CTNNA2: variants seen among roughly 807,000 people sequenced by gnomAD.
The protein encoded by CTNNA2 is catenin alpha-2.
CTNNA2 carries 42 observed loss-of-function variants against 101.0 expected under a neutral mutation model. That is an observed-to-expected ratio of 0.42 (90% CI 0.32 to 0.54). The LOEUF (loss-of-function observed/expected upper bound fraction) is 0.54. Among genes scored for constraint, CTNNA2 ranks in the 20% least tolerant of loss-of-function variants. The pLI is 0.14. For synonymous variants in CTNNA2, 450 were observed against 456.4 expected (o/e 0.99, Z 0.18); for missense variants, 871 against 1,223.1 (o/e 0.71, Z 4.29).
chr2:80,643,286 C>T (rs1673687450), intron 18 of CTNNA2, among the ~76,000 whole-genome samples: 1 of 152,006 alleles, frequency 6.6e-6, no homozygotes, highest in Admixed American at 6.6e-5. Context: ...GTTAGATGGC[C>T]TGGGTTTACA....
chr2:79,280,099 C>G (rs1166187355), intron 2 of CTNNA2, among the ~76,000 whole-genome samples: 1 of 152,170 alleles, frequency 6.6e-6, no homozygotes, highest in Non-Finnish European at 1.5e-5. Context: ...TTCACCCCTT[C>G]CAAAATTCTT....
intron 1 of CTNNA2, among the ~76,000 whole-genome samples, chr2:79,580,125 G>A (rs1676059103): frequency 6.6e-6 from 1 of 152,128 alleles, no homozygotes; most frequent in Non-Finnish European, 1.5e-5. Context: ...ATATTGGAAT[G>A]CAGTGTTTTT....
intron 9 of CTNNA2, among the ~76,000 whole-genome samples, chr2:80,492,580 A>G (rs1005018458): frequency 3.3e-5 from 5 of 152,186 alleles, no homozygotes; most frequent in Non-Finnish European, 5.9e-5. Flanking sequence ...GGAAAAATAA[A>G]ACTTCTCAAC....
chr2:79,349,728 G>A (rs1257610283), intron 3 of CTNNA2, among the ~76,000 whole-genome samples: 2 of 152,126 alleles, frequency 1.3e-5, no homozygotes, highest in Admixed American at 6.5e-5. Context: ...ACAACAAAAA[G>A]CATGTATGTG....
At chr2:79,977,222 GCACACACACACACA>G (rs72018840) in intron 7 of CTNNA2, among the ~76,000 whole-genome samples, 3 of 144,836 alleles carry the variant, frequency 2.1e-5, no homozygotes, top group African/African-American at 5.2e-5. Context: ...GCATATGCAT[GCACACACACACACA>G]CACACACACA....
intron 7 of CTNNA2, among the ~76,000 whole-genome samples, chr2:80,200,863 C>G (rs983940459): frequency 1.5e-5 from 2 of 137,514 alleles, no homozygotes; most frequent in African/African-American, 3.4e-5. Context: ...AACCTGATAG[C>G]CTTGGTTTTT....
chr2:79,658,690 T>C (rs1573595388), intron 2 of CTNNA2, among the ~76,000 whole-genome samples: 2 of 148,022 alleles, frequency 1.4e-5, no homozygotes. Flanking sequence ...TCTTTTTTTT[T>C]AATAGAAGAT....
intron 4 of CTNNA2, among the ~76,000 whole-genome samples, chr2:79,468,373 A>C (rs1367285482): frequency 2.6e-5 from 4 of 152,228 alleles, no homozygotes; most frequent in African/African-American, 7.2e-5. Context: ...ACCCAGATTC[A>C]TAAAGCAAGC....
chr2:79,533,112 T>C (rs6719738), intron 1 of CTNNA2, among the ~76,000 whole-genome samples: 106,645 of 151,628 alleles, frequency 0.7, 37,579 homozygotes, highest in Non-Finnish European at 0.72. Context: ...CTTGATGAAT[T>C]TGTATCTGAT....
rs180972321 is a variant in CTNNA2 at position 79,904,888 on chromosome 2, G to A, written c.853-4706G>A. Among the ~76,000 whole-genome samples the A allele has an allele frequency of 3.5e-3, 531 of 152,344 alleles. 4 individuals carry two copies. The highest frequency in any genetic ancestry group is 5.0e-3 in the Non-Finnish European group (343 of 68,036). Reference sequence around the variant, plus strand: ...AGTAGTGCTGTTACAACAATTGTGTGTGTGGTGAGTGCTGGTAAATGTATT... The same window carrying A: ...AGTAGTGCTGTTACAACAATTGTGTATGTGGTGAGTGCTGGTAAATGTATT... On this transcript the variant is annotated intron_variant, in intron 6 of 18. Coordinates refer to ENST00000402739, the MANE Select transcript of CTNNA2 (RefSeq NM_001282597.3).
chr2:79,422,330 T>C (rs1678548442), intron 4 of CTNNA2, among the ~76,000 whole-genome samples: 1 of 151,968 alleles, frequency 6.6e-6, no homozygotes, highest in South Asian at 2.1e-4. Context: ...CAAAGACATA[T>C]TTGGAAATAT....
chr2:79,387,519 G>A (rs749537455), intron 4 of CTNNA2, among the ~76,000 whole-genome samples: 1 of 152,168 alleles, frequency 6.6e-6, no homozygotes, highest in Non-Finnish European at 1.5e-5. Context: ...TTGGAAAATG[G>A]ATCTAGCTTC....
At chr2:80,515,591 A>C (rs1689048599) in intron 9 of CTNNA2, among the ~76,000 whole-genome samples, 1 of 152,180 alleles carries the variant, frequency 6.6e-6, no homozygotes, top group South Asian at 2.1e-4. Flanking sequence ...TATTCTCTTG[A>C]GCTGCATTAG....
chr2:80,055,322 C>G (rs931734159), intron 7 of CTNNA2, among the ~76,000 whole-genome samples: 1 of 152,118 alleles, frequency 6.6e-6, no homozygotes, highest in African/African-American at 2.4e-5. Flanking sequence ...TTTGACATGT[C>G]TGTTCCATCT....
intron 7 of CTNNA2, among the ~76,000 whole-genome samples, chr2:80,319,924 A>T (rs1678515661): frequency 6.6e-6 from 1 of 152,226 alleles, no homozygotes; most frequent in Admixed American, 6.5e-5. Context: ...GTAGGAAATG[A>T]GGCAAGGTTT....
At chr2:80,585,693 G>A (rs541241659) in intron 14 of CTNNA2, among the ~76,000 whole-genome samples, 24 of 152,166 alleles carry the variant, frequency 1.6e-4, no homozygotes, top group African/African-American at 5.5e-4. Flanking sequence ...AAACTGCTGA[G>A]TTACATTGAT....
At chr2:80,484,355 G>A (rs1249318817) in intron 9 of CTNNA2, among the ~76,000 whole-genome samples, 7 of 152,176 alleles carry the variant, frequency 4.6e-5, no homozygotes, top group Admixed American at 2.6e-4. Context: ...TAGTGTGTGT[G>A]CATTAGAGAG....
At chr2:79,729,410 G>A (rs1687066456) in intron 2 of CTNNA2, among the ~76,000 whole-genome samples, 1 of 152,142 alleles carries the variant, frequency 6.6e-6, no homozygotes, top group Non-Finnish European at 1.5e-5. Flanking sequence ...ACCTAAGTAA[G>A]AAATGGGAAG....
chr2:79,537,775 A>G (rs1357165891), intron 1 of CTNNA2, among the ~76,000 whole-genome samples: 1 of 143,454 alleles, frequency 7.0e-6, no homozygotes, highest in East Asian at 2.0e-4. Flanking sequence ...TGTTTAGCAC[A>G]TGTTTCTTGA....
Sources: allele counts gnomAD v4.1 joint callset (sites outside exome capture counted in the v4.1 genomes callset), GRCh38; gene constraint gnomAD v4.1.1; transcripts MANE v1.5; gene names NCBI Gene and HGNC (gene_info 2026-07-23, HGNC 2026-07-21).